The following DDX60L variants were observed in gnomAD, a reference collection of about 807,000 sequenced individuals.
The protein encoded by DDX60L is probable ATP-dependent RNA helicase DDX60-like.
DDX60L carries 191 observed loss-of-function variants against 211.6 expected under a neutral mutation model. That is an observed-to-expected ratio of 0.90 (90% CI 0.80 to 1.02). DDX60L has a LOEUF of 1.02. Ranked by LOEUF, DDX60L falls within the 50% of genes least tolerant of loss-of-function variation. The probability of loss-of-function intolerance (pLI) is 0.00; values close to 1 mark genes in which losing one functional copy is unlikely to be tolerated. For synonymous variants in DDX60L, 706 were observed against 694.1 expected, an observed-to-expected ratio of 1.02 and a Z score of -0.27; for missense variants, 2,007 against 1,984.1, an observed-to-expected ratio of 1.01 and a Z score of -0.22.
At chr4:168,399,610 C>T (rs1017537642) in intron 26 of DDX60L, among the ~76,000 whole-genome samples, 3 of 152,166 alleles carry the variant, frequency 2.0e-5, no homozygotes, top group Admixed American at 1.3e-4. Context: ...ACAGGTGAAC[C>T]TGGAACAAGA....
intron 1 of DDX60L, among the ~76,000 whole-genome samples, chr4:168,475,802 G>A (rs991408113): frequency 6.6e-6 from 1 of 152,104 alleles, no homozygotes; most frequent in African/African-American, 2.4e-5. Flanking sequence ...AGGATTAGAG[G>A]AGGCTATAAG....
In DDX60L at chr4:168,394,541, A is replaced by T; in HGVS notation, c.3734T>A (p.Ile1245Asn). 1 of 1,613,726 alleles carries T rather than the reference A, an allele frequency of 6.2e-7. No homozygotes were observed. The highest frequency in any genetic ancestry group is 8.5e-7 in the Non-Finnish European group (1 of 1,179,660). The change falls in exon 28 of 38, where the codon ATT (isoleucine) becomes AAT (asparagine). Residue 1245 changes from isoleucine (I) to asparagine (N), a missense_variant. Transcript: ENST00000682922. The part of the protein sequence containing the change: ...KELKALAQRG[I>N]GYHHSSMYFK... ...ATACATGCTGCTGTGATGATATCCA[A>T]TCCCCCTTTGTGCTAAAGCCTTCAG... is the stretch of plus-strand genomic sequence containing the variant.
Position 168,415,793 on chromosome 4 carries a change from C to T in DDX60L, c.2733G>A (p.Leu911=). 2 of 1,553,278 alleles carry T rather than the reference C, an allele frequency of 1.3e-6. No homozygotes were observed. The highest frequency in any genetic ancestry group is 2.4e-5 in the East Asian group (1 of 42,114). The change falls in exon 21 of 38, where the codon CTG becomes CTA. Residue 911 remains leucine, a synonymous_variant. Transcript: ENST00000682922. ...INNPNLLTKW[L]QSVKQYWKQA... ...GTTTCCAGTACTGTTTTACTGATTG[C>T]AGCCACCTTACAGAATAAACATGCA...
chr4:168,399,486 G>T (rs1746415574), intron 26 of DDX60L, among the ~76,000 whole-genome samples: 1 of 152,206 alleles, frequency 6.6e-6, no homozygotes, highest in African/African-American at 2.4e-5. Flanking sequence ...ATGCCTGGCT[G>T]TGTGCAGCAA....
chr4:168,420,721 A>G (rs188465757), intron 17 of DDX60L, among the ~76,000 whole-genome samples: 124 of 152,138 alleles, frequency 8.2e-4, no homozygotes, highest in African/African-American at 2.9e-3. Context: ...CATATCATGT[A>G]TATGGTGACA....
At chr4:168,392,624 A>T (rs1745039764) in intron 28 of DDX60L, among the ~76,000 whole-genome samples, 1 of 152,182 alleles carries the variant, frequency 6.6e-6, no homozygotes, top group African/African-American at 2.4e-5. Flanking sequence ...CAGGCCGATC[A>T]CCTGAGGTGA....
At chr4:168,443,879 A>G (rs373634399) in intron 9 of DDX60L, among the ~76,000 whole-genome samples, 3 of 150,236 alleles carry the variant, frequency 2.0e-5, no homozygotes, top group Admixed American at 6.6e-5. Context: ...TGAAGGAAGC[A>G]CTAAACATGG....
intron 13 of DDX60L, among the ~76,000 whole-genome samples, chr4:168,430,017 A>G (rs1579590999): frequency 6.6e-6 from 1 of 152,176 alleles, no homozygotes; most frequent in East Asian, 1.9e-4. Flanking sequence ...GGCCAACAGG[A>G]AGAAACCCTG....
rs934982355 is a variant in DDX60L at position 168,443,023 on chromosome 4, T to C, written c.1139-1531A>G. 9.2e-5 allele frequency among the ~76,000 whole-genome samples: 14 copies of C among 152,310 alleles called. 1 individual carries two copies. Among genetic ancestry groups the C allele is most frequent in the South Asian group, 8.3e-4 (4 of 4,828 alleles). On this transcript the variant is annotated intron_variant, in intron 9 of 37. Transcript: ENST00000682922. ...TCACCAGCAATGGAACAAAGCTGGA[T>C]GGAGAATGACTTTGATGAGCTGAGA...
intron 7 of DDX60L, 41 bp from the exon 8 acceptor site, chr4:168,453,323 G>A (rs200215309): frequency 2.9e-5 from 46 of 1,563,426 alleles, no homozygotes; most frequent in East Asian, 4.6e-5. Context: ...ACAATGTCAC[G>A]CTGTGAAATG....
intron 30 of DDX60L, chr4:168,380,076 A>C: frequency 2.9e-6 from 1 of 345,846 alleles, no homozygotes; most frequent in Non-Finnish European, 5.2e-6. Context: ...AATCTGCTAA[A>C]TCCCTGAAAC....
At chr4:168,414,644 G>A (rs1046069237) in intron 22 of DDX60L, among the ~76,000 whole-genome samples, 2 of 151,822 alleles carry the variant, frequency 1.3e-5, no homozygotes, top group East Asian at 3.9e-4. Flanking sequence ...AAGAAAATGT[G>A]GCACTTAAAA....
rs774728279 is a variant in DDX60L at position 168,468,715 on chromosome 4, T to TA, written c.264+3031dup. 9 of 152,256 alleles carry TA rather than the reference T, an allele frequency of 5.9e-5. No individual in the cohort carries two copies. In the South Asian group the frequency reaches 6.2e-4, roughly 11 times the overall value. The allele number at this position is 152,256 out of a possible 1,614,324, so 9.4% of individuals were successfully genotyped here. ...GCATGTATTTATTCACTGAAGACAT[T>TA]AAAAAATCTAAGAAATATACAAATA... On this transcript the variant is annotated intron_variant, in intron 4 of 37. Transcript: ENST00000682922.
rs1750823266 is a variant in DDX60L at position 168,422,669 on chromosome 4, A to G, written c.2099T>C (p.Ile700Thr). The G allele has an allele frequency of 6.4e-7, 1 of 1,570,502 alleles. No individual in the cohort carries two copies. The highest frequency in any genetic ancestry group is 8.6e-7 in the Non-Finnish European group (1 of 1,157,634). The change falls in exon 16 of 38, where the codon ATA (isoleucine) becomes ACA (threonine). Residue 700 changes from isoleucine (I) to threonine (T), a missense_variant and splice_region_variant. By Grantham distance (89) the Ile-to-Thr change is moderately conservative. Coordinates refer to ENST00000682922, the MANE Select transcript of DDX60L (RefSeq NM_001012967.3). ...TTTCTTCTTATTTTTGTCATCTCCT[A>G]TCTGTTATTTTAATATATTATTTGA... is the stretch of plus-strand genomic sequence containing the variant. ...DLANSLDPTLIGDDKNKKKYS... is the reference protein window; with the variant it reads ...DLANSLDPTLTGDDKNKKKYS...
intron 33 of DDX60L, chr4:168,377,914 C>G (rs1742260015): frequency 6.6e-6 from 1 of 152,326 alleles, no homozygotes; most frequent in African/African-American, 2.4e-5. Context: ...TTCTTTCAGT[C>G]TCTCAACCCT....
chr4:168,374,502 A>G (rs1035833825), intron 34 of DDX60L, among the ~76,000 whole-genome samples: 1 of 152,186 alleles, frequency 6.6e-6, no homozygotes, highest in African/African-American at 2.4e-5. Flanking sequence ...TTACTTTGCA[A>G]TACCAGTTAC....
chr4:168,443,600 G>A (rs1423377580), intron 9 of DDX60L, among the ~76,000 whole-genome samples: 1 of 151,916 alleles, frequency 6.6e-6, no homozygotes, highest in Non-Finnish European at 1.5e-5. Flanking sequence ...TTCAAATGAA[G>A]GAAAAAATGT....
At chr4:168,453,432 A>C in intron 7 of DDX60L, 150 bp from the exon 8 acceptor site, 1 of 703,956 alleles carries the variant, frequency 1.4e-6, no homozygotes, top group East Asian at 3.0e-5. Flanking sequence ...GGCTGCACTG[A>C]TACAGAAGTA....
intron 22 of DDX60L, among the ~76,000 whole-genome samples, chr4:168,412,737 G>C (rs1166116216): frequency 1.3e-5 from 2 of 152,214 alleles, no homozygotes; most frequent in Non-Finnish European, 1.5e-5. Flanking sequence ...TGCTGTGCTT[G>C]ATTCCATTCT....
Sources: allele counts gnomAD v4.1 joint callset (sites outside exome capture counted in the v4.1 genomes callset), GRCh38; gene constraint gnomAD v4.1.1; transcripts MANE v1.5; gene names NCBI Gene and HGNC (gene_info 2026-07-23, HGNC 2026-07-21).